Variants in UBE2D2 observed in about 807,000 individuals in gnomAD.
UBE2D2 encodes ubiquitin conjugating enzyme E2 D2, also known as ubiquitin-conjugating enzyme E2 D2.
In UBE2D2, 2 loss-of-function variants were observed where a neutral mutation model predicts 24.2. The ratio of observed to expected loss-of-function variants is 0.08; its 90% CI spans 0.03 to 0.26. The LOEUF is 0.26. UBE2D2 is among the 10% of genes least tolerant of loss of function. The pLI, the probability that UBE2D2 is intolerant of heterozygous loss-of-function variation, is 1.00. For synonymous variants in UBE2D2, 58 were observed against 56.5 expected (o/e 1.03, Z -0.12); for missense variants, 44 against 177.6 (o/e 0.25, Z 4.28).
intron 1 of UBE2D2, among the ~76,000 whole-genome samples, chr5:139,533,225 C>T (rs1752619578): frequency 6.6e-6 from 1 of 151,866 alleles, no homozygotes; most frequent in African/African-American, 2.4e-5. Context: ...CACTCTGTCC[C>T]CCAGACTGAG....
At chr5:139,581,660 A>AGTTT (rs576107646) in intron 1 of UBE2D2, among the ~76,000 whole-genome samples, 157 of 151,978 alleles carry the variant, frequency 1.0e-3, no homozygotes, top group African/African-American at 3.1e-3. Flanking sequence ...AATTTTATGT[A>AGTTT]GTTTGTTTGT....
chr5:139,557,390 T>C (rs891777293), upstream of UBE2D2, among the ~76,000 whole-genome samples: 4 of 152,044 alleles, frequency 2.6e-5, no homozygotes, highest in Non-Finnish European at 4.4e-5. Flanking sequence ...CAGCCTCGGC[T>C]TCCCCAAGTG....
intron 1 of UBE2D2, among the ~76,000 whole-genome samples, chr5:139,568,503 C>CA (rs112595776): frequency 0.061 from 9,274 of 151,334 alleles, 332 homozygotes; most frequent in South Asian, 0.11. Flanking sequence ...ACTAAAAATA[C>CA]AAAAAATTAG....
chr5:139,551,245 C>G (rs567252155), intron 1 of UBE2D2, among the ~76,000 whole-genome samples: 2 of 152,236 alleles, frequency 1.3e-5, no homozygotes, highest in East Asian at 3.9e-4. Context: ...ACCCAGGAGG[C>G]TAAGGCAGGT....
intron 1 of UBE2D2, among the ~76,000 whole-genome samples, chr5:139,582,274 T>TG (rs1237458175): frequency 6.6e-6 from 1 of 152,010 alleles, no homozygotes; most frequent in African/African-American, 2.4e-5. Context: ...CAATTTTTTT[T>TG]TTTTTTGAGA....
At chr5:139,545,150 C>T (rs924538520) in intron 1 of UBE2D2, among the ~76,000 whole-genome samples, 6 of 152,072 alleles carry the variant, frequency 3.9e-5, no homozygotes, top group African/African-American at 7.2e-5. Flanking sequence ...ATCTAACTCA[C>T]GCTTTTTATG....
intron 2 of UBE2D2, among the ~76,000 whole-genome samples, chr5:139,603,623 G>GA (rs1169340176): frequency 0.043 from 1,580 of 36,572 alleles, 31 homozygotes; most frequent in Middle Eastern, 0.068. Context: ...CTCTGTCTCC[G>GA]AAAAAAAAAA....
At chr5:139,531,805 TACAAAAACAAAA>T (rs567156194) in intron 1 of UBE2D2, among the ~76,000 whole-genome samples, 10 of 151,578 alleles carry the variant, frequency 6.6e-5, no homozygotes, top group South Asian at 2.1e-4. Flanking sequence ...CTACAAAAAA[TACAAAAACAAAA>T]ACAAAAACAA....
At chr5:139,566,098 A>C (rs1753210278) in intron 1 of UBE2D2, among the ~76,000 whole-genome samples, 1 of 150,290 alleles carries the variant, frequency 6.7e-6, no homozygotes, top group Non-Finnish European at 1.5e-5. Flanking sequence ...GGCTCACTAC[A>C]AACTCTGGCT....
At chr5:139,561,936 C>A in intron 1 of UBE2D2, 121 bp downstream of exon 1, 2 of 1,339,080 alleles carry the variant, frequency 1.5e-6, no homozygotes, top group Non-Finnish European at 2.0e-6. Context: ...GCTGGCCCCT[C>A]GGGGCGGCCT....
chr5:139,568,092 C>T (rs1004115153), intron 1 of UBE2D2, among the ~76,000 whole-genome samples: 9 of 151,606 alleles, frequency 5.9e-5, no homozygotes, highest in African/African-American at 1.9e-4. Context: ...CTGTAATCCC[C>T]CAGTACTTTG....
At chr5:139,585,826 CAT>C (rs1052043531) in intron 1 of UBE2D2, among the ~76,000 whole-genome samples, 8 of 147,286 alleles carry the variant, frequency 5.4e-5, no homozygotes, top group Non-Finnish European at 1.2e-4. Context: ...AAAAATGAAA[CAT>C]AGGGAGGCTG....
At chr5:139,565,316 A>G (rs966391132) in intron 1 of UBE2D2, among the ~76,000 whole-genome samples, 1 of 152,204 alleles carries the variant, frequency 6.6e-6, no homozygotes, top group African/African-American at 2.4e-5. Flanking sequence ...TTATTTTGAT[A>G]TACATCTTAA....
In UBE2D2 at chr5:139,586,234, CT is replaced by C. The variant is rs547572408; in HGVS notation, c.25-14135del. Reference sequence around the variant, plus strand: ...TCTCAGAATTTCATATTGGTTTCTCCTTTGTGAAACTTTAAACGTGGTAGGC... The same window carrying C: ...TCTCAGAATTTCATATTGGTTTCTCCTTGTGAAACTTTAAACGTGGTAGGC... On this transcript the variant is annotated intron_variant, in intron 1 of 6. Coordinates refer to ENST00000398733, the MANE Select transcript of UBE2D2 (RefSeq NM_003339.3). Among the ~76,000 whole-genome samples, 13 of 150,210 alleles carry C rather than the reference CT, an allele frequency of 8.7e-5. No homozygotes were observed. The South Asian group carries it at 2.7e-3, about 32-fold the overall frequency.
chr5:139,608,032 A>C (rs1441205924), intron 2 of UBE2D2, among the ~76,000 whole-genome samples: 2 of 151,916 alleles, frequency 1.3e-5, no homozygotes, highest in Non-Finnish European at 2.9e-5. Flanking sequence ...AAAAAAAAAA[A>C]CTTAAATATA....
At chr5:139,585,402 A>AT (rs1189237780) in intron 1 of UBE2D2, among the ~76,000 whole-genome samples, 2 of 151,506 alleles carry the variant, frequency 1.3e-5, no homozygotes, top group African/African-American at 4.9e-5. Context: ...GTTGTTGTTA[A>AT]TTTTTTGTAG....
chr5:139,591,325 G>A (rs1411920354), intron 1 of UBE2D2, among the ~76,000 whole-genome samples: 3 of 151,710 alleles, frequency 2.0e-5, no homozygotes, highest in African/African-American at 7.3e-5. Flanking sequence ...TCTCCATGCT[G>A]GTCAGGCTGG....
At chr5:139,565,791 A>AT (rs1289502450) in intron 1 of UBE2D2, among the ~76,000 whole-genome samples, 1 of 152,122 alleles carries the variant, frequency 6.6e-6, no homozygotes, top group African/African-American at 2.4e-5. Flanking sequence ...ATGTTGAAGT[A>AT]TTTGGTTAAT....
intron 1 of UBE2D2, among the ~76,000 whole-genome samples, chr5:139,541,888 C>T (rs1194122333): frequency 6.6e-6 from 1 of 151,876 alleles, no homozygotes; most frequent in East Asian, 1.9e-4. Context: ...CCTGTCTCTA[C>T]TAAAAATACA....
Sources: gnomAD v4.1 joint callset for allele counts (sites outside exome capture counted in the v4.1 genomes callset) on GRCh38, gnomAD v4.1.1 for gene constraint, MANE v1.5 for transcripts, NCBI Gene and HGNC (gene_info 2026-07-23, HGNC 2026-07-21) for gene names.